Variants in TACC3 observed in about 807,000 individuals in gnomAD.
TACC3 encodes transforming acidic coiled-coil-containing protein 3.
A neutral mutation model predicts 86.0 loss-of-function variants in TACC3; 52 were observed. That is an observed-to-expected ratio of 0.60 (90% CI 0.48 to 0.76). TACC3 has a LOEUF of 0.76. Among genes scored for constraint, TACC3 ranks in the 30% least tolerant of loss-of-function variants. The pLI is 0.00. For missense variants in TACC3, 1,120 were observed against 1,070.4 expected (o/e 1.05, Z -0.65); for synonymous variants, 512 against 430.0 (o/e 1.19, Z -2.36).
At chr4:1,726,397 T>G (rs1029054450) in intron 3 of TACC3, among the ~76,000 whole-genome samples, 32 of 152,138 alleles carry the variant, frequency 2.1e-4, no homozygotes, top group African/African-American at 7.5e-4. Flanking sequence ...GAAAGCAGAT[T>G]CATGCAGAAA....
At chr4:1,740,762 T>G in intron 12 of TACC3, 64 bp from the exon 13 acceptor site, 1 of 1,474,534 alleles carries the variant, frequency 6.8e-7, no homozygotes, top group South Asian at 1.3e-5. Flanking sequence ...TTCCTTGGGC[T>G]GTCTCTGGCA....
intron 13 of TACC3, among the ~76,000 whole-genome samples, chr4:1,742,596 T>C (rs1208090847): frequency 6.6e-6 from 1 of 151,888 alleles, no homozygotes; most frequent in Admixed American, 6.6e-5. Flanking sequence ...AGGTCAGGAG[T>C]TCGAGACCAG....
At chr4:1,720,892 G>A (rs1011198011), upstream of TACC3, 12 of 1,516,186 alleles carry the variant, frequency 7.9e-6, no homozygotes, top group African/African-American at 1.4e-4. The surrounding 1 kb of genome is among the most constrained non-coding windows in gnomAD (Gnocchi z 4.4). Flanking sequence ...GCGCGGACGA[G>A]GCCGCAGCGC....
rs1577228882 is a variant in TACC3, at chr4:1,744,548, G to T, written c.2254G>T (p.Asp752Tyr). The T allele has an allele frequency of 1.9e-6, 3 of 1,613,216 alleles. No individual in the cohort carries two copies. Among genetic ancestry groups the T allele is most frequent in the Non-Finnish European group, 2.5e-6 (3 of 1,179,956 alleles). The change falls in exon 14 of 16, where the codon GAT becomes TAT. Residue 752 changes from aspartate to tyrosine, a missense_variant. Physicochemically the swap from Asp to Tyr is radical, Grantham distance 160 (BLOSUM62 -3). Transcript: ENST00000313288. ...NEESLKKCVE[D>Y]YLARITQEGQ... ...AGAGTCACTGAAGAAGTGCGTGGAG[G>T]ATTACCTGGCAAGGATCACCCAGGA...
Position 1,728,254 on chromosome 4 carries a change from A to G in TACC3, c.852A>G (p.Pro284=), listed in dbSNP as rs751376333. The G allele has an allele frequency of 1.9e-6, 3 of 1,612,668 alleles. No individual in the cohort carries two copies. Among genetic ancestry groups the G allele is most frequent in the African/African-American group, 1.3e-5 (1 of 75,076 alleles). ...GCPAGVGTPV[P]ADGTQTLTCA... ...CTGCGGGTGTGGGCACCCCCGTGCC[A>G]GCAGATGGCACTCAGACCCTTACCT... Residue 284 remains proline (P), a synonymous_variant, in exon 4 of 16, where the codon CCA becomes CCG. Transcript: ENST00000313288.
rs1577218640 is a variant in TACC3 at position 1,735,962 on chromosome 4, G to C, written c.1748+128G>C. 1.4e-6 allele frequency: 1 copy of C among 701,250 alleles called. No homozygotes were observed. Among genetic ancestry groups the C allele is most frequent in the East Asian group, 2.8e-5 (1 of 35,898 alleles). The allele number at this position is 701,250 out of a possible 1,614,324, so 43.4% of individuals were successfully genotyped here. ...AGATGATCAGAACTGGAAAGGAGCT[G>C]TGCTAGGGGTGGGCTGGGCAGCAAG... On this transcript the variant is annotated intron_variant, in intron 8 of 15. Transcript: ENST00000313288. This position sits in a 1 kb window ranked among gnomAD's most constrained non-coding sequence, Gnocchi z 4.2.
chr4:1,735,859 G>T lies in TACC3; in HGVS notation c.1748+25G>T, dbSNP rs542567960. On this transcript the variant is annotated intron_variant, in intron 8 of 15. Transcript: ENST00000313288. The surrounding 1 kb of genome is among the most constrained non-coding windows in gnomAD (Gnocchi z 4.2). ...GGTATGTGCGCCGGCCCTCCCTCAT[G>T]CATGAAGCCTTGAGTGTGGGAAGAC... 6.8e-7 allele frequency: 1 copy of T among 1,478,514 alleles called. No individual in the cohort carries two copies. The highest frequency in any genetic ancestry group is 1.8e-5 in the Admixed American group (1 of 56,276). The allele number at this position is 1,478,514 out of a possible 1,614,324, so 91.6% of individuals were successfully genotyped here.
Position 1,744,933 on chromosome 4 carries a change from ATCTTCC to A in TACC3, c.2452-12_2452-7del, listed in dbSNP as rs1718775747. 6.2e-7 allele frequency: 1 copy of A among 1,611,876 alleles called. No individual in the cohort carries two copies. Among genetic ancestry groups the A allele is most frequent in the African/African-American group, 1.3e-5 (1 of 74,896 alleles). ...CAAGCAGGGAGAAGCCCCGCAACTCATCTTCCTCCTCCAGACTAAAGAGAACGAGGA... is the reference window on the plus strand; with the variant it reads ...CAAGCAGGGAGAAGCCCCGCAACTCATCCTCCAGACTAAAGAGAACGAGGA... On this transcript the variant is annotated splice_polypyrimidine_tract_variant and intron_variant, in intron 15 of 15. Coordinates refer to ENST00000313288, the MANE Select transcript of TACC3 (RefSeq NM_006342.3).
intron 3 of TACC3, among the ~76,000 whole-genome samples, 199 bp from the exon 4 acceptor site, chr4:1,727,509 C>T (rs1293809973): frequency 4.6e-5 from 7 of 152,126 alleles, no homozygotes; most frequent in Admixed American, 1.3e-4. Flanking sequence ...GCCGTTCCAC[C>T]GGGAGCTGGT....
chr4:1,740,558 C>T (rs759320967), intron 12 of TACC3: 1 of 423,744 alleles, frequency 2.4e-6, no homozygotes, highest in Non-Finnish European at 4.3e-6. Context: ...ACCCTAGGCT[C>T]TAGGGTGTTG....
At chr4:1,726,734 G>C (rs1356454015) in intron 3 of TACC3, among the ~76,000 whole-genome samples, 1 of 152,204 alleles carries the variant, frequency 6.6e-6, no homozygotes, top group Non-Finnish European at 1.5e-5. Flanking sequence ...CTGGAGCATA[G>C]GCAGGGGACA....
At chr4:1,729,939 C>T (rs3819377) in intron 4 of TACC3, among the ~76,000 whole-genome samples, 37,369 of 152,186 alleles carry the variant, frequency 0.25, 4,756 homozygotes, top group Non-Finnish European at 0.26. Flanking sequence ...TGGCCCTGTC[C>T]GGGCGTGACA....
intron 13 of TACC3, 125 bp downstream of exon 13, chr4:1,741,111 G>A (rs1718578357): frequency 2.2e-6 from 2 of 929,030 alleles, no homozygotes; most frequent in South Asian, 3.3e-5. Flanking sequence ...TGCCACGGGG[G>A]CATGGGATGA....
chr4:1,722,143 A>C (rs1253381597), intron 1 of TACC3, among the ~76,000 whole-genome samples: 2 of 152,036 alleles, frequency 1.3e-5, no homozygotes, highest in Non-Finnish European at 2.9e-5. Flanking sequence ...TGTGCACCAG[A>C]GTAGCACCAA....
At chr4:1,736,531 A>G (rs984627190) in intron 8 of TACC3, among the ~76,000 whole-genome samples, 3 of 151,894 alleles carry the variant, frequency 2.0e-5, no homozygotes, top group African/African-American at 7.3e-5. Flanking sequence ...TCACAGAGCC[A>G]TGCCCGTTCC....
intron 6 of TACC3, among the ~76,000 whole-genome samples, chr4:1,733,686 C>CT (rs2108700035): frequency 6.6e-6 from 1 of 152,166 alleles, no homozygotes; most frequent in African/African-American, 2.4e-5. Context: ...GAAATGAAAA[C>CT]TGACAACAAG....
In TACC3 at chr4:1,728,129, G is replaced by T; in HGVS notation, c.727G>T (p.Ala243Ser). 1 of 1,612,016 alleles carries T rather than the reference G, an allele frequency of 6.2e-7. No homozygotes were observed. The highest frequency in any genetic ancestry group is 8.5e-7 in the Non-Finnish European group (1 of 1,179,606). Residue 243 changes from alanine (A) to serine (S), a missense_variant, in exon 4 of 16, where the codon GCT becomes TCT. Physicochemically the swap from Ala to Ser is moderately conservative, Grantham distance 99. Coordinates refer to ENST00000313288, the MANE Select transcript of TACC3 (RefSeq NM_006342.3). ...EEECRHGGVC[A>S]PAAVATSPPG... ...GGAATGCCGGCACGGTGGGGTCTGT[G>T]CTCCCGCAGCAGTGGCCACTTCGCC...
In TACC3 at chr4:1,735,787, G is replaced by C; in HGVS notation, c.1701G>C (p.Leu567=). ...TATACCTCAAGTTCGACCCCCTCCTGAGGGACAGTCCTGGTAGACCAGTGC... is the reference window on the plus strand; with the variant it reads ...TATACCTCAAGTTCGACCCCCTCCTCAGGGACAGTCCTGGTAGACCAGTGC... ...QSLYLKFDPL[L]RDSPGRPVPV... The change falls in exon 8 of 16, where the codon CTG becomes CTC. Residue 567 remains leucine (L), a synonymous_variant. Coordinates refer to ENST00000313288, the MANE Select transcript of TACC3 (RefSeq NM_006342.3). This position sits in a 1 kb window ranked among gnomAD's most constrained non-coding sequence, Gnocchi z 4.2. 6.2e-7 allele frequency: 1 copy of C among 1,611,768 alleles called. No homozygotes were observed. The highest frequency in any genetic ancestry group is 1.1e-5 in the South Asian group (1 of 91,064).
chr4:1,721,090 C>T (rs924963238), upstream of TACC3: 82 of 276,046 alleles, frequency 3.0e-4, no homozygotes, highest in Middle Eastern at 1.1e-3. Flanking sequence ...CACTCTAGGG[C>T]ATGGAGTCCC....
Sources: gnomAD v4.1 joint callset for allele counts (sites outside exome capture counted in the v4.1 genomes callset) on GRCh38, gnomAD v4.1.1 for gene constraint, Gnocchi (gnomAD v3.1) non-coding constraint, MANE v1.5 for transcripts, NCBI Gene and HGNC (gene_info 2026-07-23, HGNC 2026-07-21) for gene names.